Variants in CAB39 observed in about 807,000 individuals in gnomAD.
CAB39 encodes the protein calcium-binding protein 39.
CAB39 carries 8 observed loss-of-function variants against 40.0 expected under a neutral mutation model. The observed-to-expected ratio is 0.20, with a 90% CI of 0.12 to 0.36. The LOEUF is 0.36. Ranked by LOEUF, CAB39 falls within the 10% of genes least tolerant of loss-of-function variation. The probability of loss-of-function intolerance (pLI) is 1.00; values close to 1 mark genes in which losing one functional copy is unlikely to be tolerated. For missense variants in CAB39, 270 were observed against 401.1 expected (o/e 0.67, Z 2.79); for synonymous variants, 156 against 141.6 (o/e 1.10, Z -0.72).
At chr2:230,817,154 T>A (rs1696416525) in intron 7 of CAB39, among the ~76,000 whole-genome samples, 1 of 152,102 alleles carries the variant, frequency 6.6e-6, no homozygotes, top group Non-Finnish European at 1.5e-5. Flanking sequence ...TTAGTGATGG[T>A]GAGGGGTCAG....
At chr2:230,769,281 G>T (rs1470916372) in intron 2 of CAB39, among the ~76,000 whole-genome samples, 2 of 152,174 alleles carry the variant, frequency 1.3e-5, no homozygotes, top group East Asian at 3.8e-4. Flanking sequence ...AGAACTGCAA[G>T]AAGTAGTCAA....
chr2:230,782,645 A>T (rs2124946083), intron 2 of CAB39, among the ~76,000 whole-genome samples: 1 of 152,182 alleles, frequency 6.6e-6, no homozygotes, highest in Admixed American at 6.5e-5. Flanking sequence ...TTACGTTGTA[A>T]ATTGAGCACA....
intron 2 of CAB39, among the ~76,000 whole-genome samples, chr2:230,772,418 A>T (rs1000507357): frequency 2.0e-5 from 3 of 152,162 alleles, no homozygotes; most frequent in African/African-American, 7.2e-5. Context: ...GTTGGCAAGG[A>T]TACAGAGCAG....
At chr2:230,737,853 A>G (rs575664298) in intron 1 of CAB39, among the ~76,000 whole-genome samples, 14 of 152,298 alleles carry the variant, frequency 9.2e-5, no homozygotes, top group African/African-American at 3.4e-4. Flanking sequence ...TGACTATATT[A>G]TGATGTCAAC....
intron 8 of CAB39, 132 bp from the exon 9 acceptor site, chr2:230,818,384 A>G (rs1461541592): frequency 4.6e-6 from 3 of 647,738 alleles, no homozygotes; most frequent in African/African-American, 3.7e-5. Context: ...CTTCTAAAGC[A>G]AAACCTAATG....
At chr2:230,810,568 G>A (rs988684281) in intron 6 of CAB39, among the ~76,000 whole-genome samples, 1 of 152,182 alleles carries the variant, frequency 6.6e-6, no homozygotes, top group East Asian at 1.9e-4. Flanking sequence ...AGAGCATTTT[G>A]CTGCTAAAAT....
chr2:230,759,179 T>C (rs1287484033), intron 1 of CAB39, among the ~76,000 whole-genome samples: 1 of 152,182 alleles, frequency 6.6e-6, no homozygotes, highest in African/African-American at 2.4e-5. Flanking sequence ...CATAGGGGAT[T>C]ACAGGATCTA....
chr2:230,724,392 C>T (rs1360323668), intron 1 of CAB39, among the ~76,000 whole-genome samples: 1 of 151,514 alleles, frequency 6.6e-6, no homozygotes, highest in African/African-American at 2.4e-5. Context: ...TTGTTTAAGA[C>T]CTCTATGGGC....
Position 230,740,675 on chromosome 2 carries a change from A to G in CAB39, c.-43-19284A>G, listed in dbSNP as rs556983528. The stretch of plus-strand genomic sequence containing the variant: ...AGATCCCTCGAATGCACAGTTCGCA[A>G]TAGGGTTCACGCTCCTGTGAGATCC... On this transcript the variant is annotated intron_variant, in intron 1 of 8. Transcript: ENST00000258418. Among the ~76,000 whole-genome samples the G allele has an allele frequency of 3.7e-4, 56 of 152,210 alleles. 1 individual carries two copies. The South Asian group carries it at 0.011, about 30-fold the overall frequency.
intron 1 of CAB39, among the ~76,000 whole-genome samples, chr2:230,716,921 T>C (rs1694361122): frequency 6.6e-6 from 1 of 152,186 alleles, no homozygotes; most frequent in South Asian, 2.1e-4. Context: ...AGGGATTGCC[T>C]GAGCCCAGGA....
Position 230,818,881 on chromosome 2 carries a change from G to A in CAB39, c.*177G>A. The stretch of plus-strand genomic sequence containing the variant: ...TTGGAGATCGTAGCTGCTGCTGCTT[G>A]CACACTAGGGCACATGTGGGCTTTC... On this transcript the variant is annotated 3_prime_UTR_variant, in exon 9 of 9. Transcript: ENST00000258418. The A allele has an allele frequency of 1.9e-6, 1 of 538,688 alleles. No homozygotes were observed. Among genetic ancestry groups the A allele is most frequent in the East Asian group, 3.2e-5 (1 of 30,852 alleles). 33.4% of individuals were successfully genotyped at this position (538,688 alleles called of 1,614,324 possible).
chr2:230,726,659 A>G (rs1384241615), intron 1 of CAB39, among the ~76,000 whole-genome samples: 2 of 152,084 alleles, frequency 1.3e-5, no homozygotes, highest in East Asian at 3.9e-4. Context: ...TAAACAGCAA[A>G]GTGTAAATAC....
intron 1 of CAB39, among the ~76,000 whole-genome samples, chr2:230,725,887 T>G (rs982573906): frequency 3.9e-5 from 6 of 152,190 alleles, no homozygotes; most frequent in Non-Finnish European, 8.8e-5. Context: ...AAGGAAAAGA[T>G]GGAATCTACA....
At chr2:230,745,981 T>A (rs1349587673) in intron 1 of CAB39, among the ~76,000 whole-genome samples, 2 of 152,186 alleles carry the variant, frequency 1.3e-5, no homozygotes, top group Non-Finnish European at 2.9e-5. Context: ...GGGGTATCCT[T>A]TTCATGTTTA....
intron 4 of CAB39, among the ~76,000 whole-genome samples, chr2:230,796,369 A>G (rs1204058292): frequency 6.6e-6 from 1 of 151,980 alleles, no homozygotes; most frequent in African/African-American, 2.4e-5. Flanking sequence ...CTGGCAATTT[A>G]CATGTTAGTA....
In CAB39 at chr2:230,819,327, T is replaced by C. The variant is rs531183203; in HGVS notation, c.*623T>C. 1 of 152,778 alleles carries C rather than the reference T, an allele frequency of 6.5e-6. No homozygotes were observed. Among genetic ancestry groups the C allele is most frequent in the East Asian group, 1.9e-4 (1 of 5,190 alleles). The allele number at this position is 152,778 out of a possible 1,614,324, so 9.5% of individuals were successfully genotyped here. A position where few individuals can be genotyped will look rare whatever the true frequency, so the allele number is the denominator to read the frequency against. On this transcript the variant is annotated 3_prime_UTR_variant, in exon 9 of 9. Coordinates refer to ENST00000258418, the MANE Select transcript of CAB39 (RefSeq NM_016289.4). The stretch of plus-strand genomic sequence containing the variant: ...ATATGCTTTTCACAGCTTTCTAGAA[T>C]TTTTTGACATTTGATTTTCTTGAGA...
intron 1 of CAB39, among the ~76,000 whole-genome samples, chr2:230,723,213 C>G (rs1694487985): frequency 6.6e-6 from 1 of 152,058 alleles, no homozygotes; most frequent in Admixed American, 6.5e-5. Context: ...TGCCCATCCT[C>G]AATATTTTAT....
At chr2:230,800,778 G>C (rs1308630272) in intron 5 of CAB39, among the ~76,000 whole-genome samples, 1 of 152,190 alleles carries the variant, frequency 6.6e-6, no homozygotes. Context: ...AGATGGCAAA[G>C]GTGGCTCAGA....
chr2:230,719,510 A>G (rs954520365), intron 1 of CAB39, among the ~76,000 whole-genome samples: 2 of 152,264 alleles, frequency 1.3e-5, no homozygotes, highest in East Asian at 1.9e-4. Context: ...ATGGTTTATT[A>G]TAAATGCTTT....
Sources: allele counts gnomAD v4.1 joint callset (sites outside exome capture counted in the v4.1 genomes callset), GRCh38; gene constraint gnomAD v4.1.1; transcripts MANE v1.5; gene names NCBI Gene and HGNC (gene_info 2026-07-23, HGNC 2026-07-21).